SLX4IP: variants seen among roughly 807,000 people sequenced by gnomAD.
The protein encoded by SLX4IP is protein SLX4IP.
A neutral mutation model predicts 32.9 loss-of-function variants in SLX4IP; 34 were observed. That is an observed-to-expected ratio of 1.03 (90% CI 0.79 to 1.38). The LOEUF is 1.38. Ranked by LOEUF, SLX4IP falls within the 40% of genes most tolerant of loss-of-function variation. SLX4IP has a pLI of 0.00. For synonymous variants in SLX4IP, 172 were observed against 171.7 expected, an observed-to-expected ratio of 1.00 and a Z score of -0.01; for missense variants, 444 against 479.0, an observed-to-expected ratio of 0.93 and a Z score of 0.68.
chr20:10,473,156 G>A (rs904573644), intron 2 of SLX4IP, among the ~76,000 whole-genome samples: 1 of 152,184 alleles, frequency 6.6e-6, no homozygotes, highest in African/African-American at 2.4e-5. Flanking sequence ...GCCAGCATTC[G>A]GTCTGGCTGT....
intron 2 of SLX4IP, among the ~76,000 whole-genome samples, chr20:10,504,294 G>A (rs1272068814): frequency 3.3e-5 from 5 of 152,058 alleles, no homozygotes; most frequent in Admixed American, 2.6e-4. Context: ...CTGGAAGAGT[G>A]GACAGATTAA....
chr20:10,481,137 A>G (rs1380326414), intron 2 of SLX4IP, among the ~76,000 whole-genome samples: 3 of 151,910 alleles, frequency 2.0e-5, no homozygotes, highest in Non-Finnish European at 4.4e-5. Context: ...TTCATTCTTC[A>G]GAGACATTCT....
intron 2 of SLX4IP, among the ~76,000 whole-genome samples, chr20:10,541,015 A>G (rs1600980858): frequency 1.3e-5 from 2 of 152,232 alleles, no homozygotes; most frequent in Admixed American, 1.3e-4. Flanking sequence ...ATTCAGTGCT[A>G]AAGTTTAAGG....
intron 3 of SLX4IP, among the ~76,000 whole-genome samples, chr20:10,558,472 CT>C (rs1303253713): frequency 6.6e-6 from 1 of 152,082 alleles, no homozygotes; most frequent in Non-Finnish European, 1.5e-5. Context: ...TGTCCCCAGG[CT>C]TTCATCTTCT....
chr20:10,551,551 G>A (rs115462151), intron 2 of SLX4IP, among the ~76,000 whole-genome samples: 2 of 152,100 alleles, frequency 1.3e-5, no homozygotes, highest in African/African-American at 4.8e-5. Context: ...TTGGTCACTG[G>A]GGATGCAAGA....
At position 10,592,878 on chromosome 20, in the gene SLX4IP, C is replaced by T. The variant is rs186319111; in HGVS notation, c.239-5797C>T. On this transcript the variant is annotated intron_variant, in intron 4 of 7. Transcript: ENST00000334534. ...CGATCTCCTGACCTCGTGATCTGCC[C>T]ACCTTGGCCTCCCAAAGTGCTGGGA... Among the ~76,000 whole-genome samples the T allele has an allele frequency of 7.9e-5, 12 of 152,160 alleles. No homozygotes were observed. In the East Asian group the frequency reaches 1.9e-3, roughly 25 times the overall value.
chr20:10,559,733 T>A (rs2066309742), intron 3 of SLX4IP, among the ~76,000 whole-genome samples: 1 of 152,238 alleles, frequency 6.6e-6, no homozygotes, highest in African/African-American at 2.4e-5. Context: ...ACAATTGACC[T>A]ATCCTGAAAC....
At chr20:10,541,639 A>C (rs1160659132) in intron 2 of SLX4IP, among the ~76,000 whole-genome samples, 1 of 152,232 alleles carries the variant, frequency 6.6e-6, no homozygotes, top group Non-Finnish European at 1.5e-5. Flanking sequence ...GAACATGTGC[A>C]TCATCACAGA....
chr20:10,619,672 T>A (rs1443327645), intron 6 of SLX4IP, among the ~76,000 whole-genome samples: 1 of 152,182 alleles, frequency 6.6e-6, no homozygotes, highest in Non-Finnish European at 1.5e-5. Context: ...GCTCCTTATG[T>A]TAATTGTTCA....
At chr20:10,469,028 C>T (rs1467402926) in intron 2 of SLX4IP, among the ~76,000 whole-genome samples, 3 of 152,018 alleles carry the variant, frequency 2.0e-5, no homozygotes, top group African/African-American at 7.2e-5. Context: ...CTAACAATAG[C>T]TTTAAAAAAA....
intron 2 of SLX4IP, among the ~76,000 whole-genome samples, chr20:10,493,842 GT>G (rs370265909): frequency 1.2e-5 from 1 of 84,878 alleles, no homozygotes; most frequent in Non-Finnish European, 2.6e-5. Flanking sequence ...TTACTGAAGT[GT>G]TTTTTTTATA....
At chr20:10,572,674 A>C (rs1290701892) in intron 4 of SLX4IP, among the ~76,000 whole-genome samples, 4 of 152,120 alleles carry the variant, frequency 2.6e-5, no homozygotes, top group Admixed American at 2.6e-4. Flanking sequence ...CCATAAAATA[A>C]ATTAAATTTT....
At chr20:10,619,217 C>CTTTTTTTTTTTT (rs59741153) in intron 6 of SLX4IP, among the ~76,000 whole-genome samples, 5 of 126,650 alleles carry the variant, frequency 3.9e-5, no homozygotes, top group African/African-American at 1.5e-4. Flanking sequence ...CTTTTTTTTT[C>CTTTTTTTTTTTT]TTTTTTTTTT....
At chr20:10,561,984 C>A (rs953840573) in intron 4 of SLX4IP, among the ~76,000 whole-genome samples, 1 of 152,160 alleles carries the variant, frequency 6.6e-6, no homozygotes, top group African/African-American at 2.4e-5. Flanking sequence ...GTCATCGGTG[C>A]CCTGCGGCTC....
At chr20:10,529,144 T>G (rs1457199209) in intron 2 of SLX4IP, among the ~76,000 whole-genome samples, 1 of 152,238 alleles carries the variant, frequency 6.6e-6, no homozygotes. Context: ...TGCTTACTGC[T>G]TTAACTTATT....
chr20:10,534,145 G>T (rs952751756), intron 2 of SLX4IP, among the ~76,000 whole-genome samples: 1 of 152,108 alleles, frequency 6.6e-6, no homozygotes, highest in African/African-American at 2.4e-5. Flanking sequence ...CTTGTGGGTA[G>T]GGGTAAACAG....
chr20:10,619,218 T>TTTTTTTTTTTTTTTTTTTTC (rs2067077823), intron 6 of SLX4IP, among the ~76,000 whole-genome samples: 1 of 123,070 alleles, frequency 8.1e-6, no homozygotes, highest in Non-Finnish European at 1.7e-5. Context: ...TTTTTTTTTC[T>TTTTTTTTTTTTTTTTTTTTC]TTTTTTTTTT....
Position 10,592,622 on chromosome 20 carries a change from C to CTTTTTT in SLX4IP, c.239-6028_239-6023dup, listed in dbSNP as rs33995611. 4.4e-4 allele frequency among the ~76,000 whole-genome samples: 24 copies of CTTTTTT among 55,172 alleles called. 1 individual carries two copies. Among genetic ancestry groups the CTTTTTT allele is most frequent in the Admixed American group, 8.9e-4 (3 of 3,352 alleles). The allele number at this position is 55,172 out of a possible 152,430, so 36.2% of individuals were successfully genotyped here. ...GCTTGAAAGCACACGTATTCTTCATCTTTTTTTTTTTTTTTTTTTTTTTTT... is the reference window on the plus strand; with the variant it reads ...GCTTGAAAGCACACGTATTCTTCATCTTTTTTTTTTTTTTTTTTTTTTTTTTTTTTT... On this transcript the variant is annotated intron_variant, in intron 4 of 7. Transcript: ENST00000334534.
At chr20:10,608,335 A>G (rs1204829648) in intron 6 of SLX4IP, among the ~76,000 whole-genome samples, 3 of 152,156 alleles carry the variant, frequency 2.0e-5, no homozygotes, top group Non-Finnish European at 4.4e-5. Flanking sequence ...AGCGTTCTCA[A>G]GTTTTCCTAA....
Sources: gnomAD v4.1 joint callset for allele counts (sites outside exome capture counted in the v4.1 genomes callset) on GRCh38, gnomAD v4.1.1 for gene constraint, MANE v1.5 for transcripts, NCBI Gene and HGNC (gene_info 2026-07-23, HGNC 2026-07-21) for gene names.